WDR74: variants seen among roughly 807,000 people sequenced by gnomAD.
WDR74 encodes the protein WD repeat domain 74.
A neutral mutation model predicts 45.6 loss-of-function variants in WDR74; 31 were observed. That is an observed-to-expected ratio of 0.68 (90% CI 0.51 to 0.92). The LOEUF (loss-of-function observed/expected upper bound fraction) is 0.92, where lower values mean the gene tolerates loss of function less well. WDR74 is among the 40% of genes least tolerant of loss of function. The probability of loss-of-function intolerance (pLI) is 0.00; values close to 1 mark genes in which losing one functional copy is unlikely to be tolerated. For synonymous variants in WDR74, 191 were observed against 192.4 expected, an observed-to-expected ratio of 0.99 and a Z score of 0.06; for missense variants, 455 against 497.2, an observed-to-expected ratio of 0.92 and a Z score of 0.81.
At position 62,832,969 on chromosome 11, in the gene WDR74, C is replaced by G; in HGVS notation, c.1141G>C (p.Gly381Arg). 1.2e-6 allele frequency: 2 copies of G among 1,606,328 alleles called. No individual in the cohort carries two copies. The highest frequency in any genetic ancestry group is 1.7e-6 in the Non-Finnish European group (2 of 1,176,678). Residue 381 changes from glycine to arginine, a missense_variant, in exon 11 of 11, where the codon GGG becomes CGG. Gly to Arg is a moderately radical substitution (Grantham distance 125). Coordinates refer to ENST00000278856, the MANE Select transcript of WDR74 (RefSeq NM_001369450.1). The part of the protein sequence containing the change: ...QTRRRKKKRP[G>R]STSP ...CAGGGGCGTCAGGGGCTGGTGGACC[C>G]AGGCCGCTTCTTCTTTCTCCGTCTC...
At chr11:62,841,593 AAAC>A (rs770731567), upstream of WDR74, 1 of 151,822 alleles carries the variant, frequency 6.6e-6, no homozygotes, top group Non-Finnish European at 1.5e-5. Flanking sequence ...ATCTTCCATT[AAAC>A]AACGGTTGTT....
At chr11:62,839,662 G>C, upstream of WDR74, 4 of 1,472,102 alleles carry the variant, frequency 2.7e-6, no homozygotes, top group Non-Finnish European at 3.6e-6. Flanking sequence ...TGTAGTTGCT[G>C]GAAGTTTGAA....
rs200389987 is a variant in WDR74, at chr11:62,839,070, C to G, written c.293+44G>C. The stretch of plus-strand genomic sequence containing the variant: ...TTCCAGTATCCTCAGGGAGCATCAA[C>G]GCTCTCCCTTCGGCCCTGAGTTTAG... On this transcript the variant is annotated intron_variant, in intron 3 of 10. Transcript: ENST00000278856. The G allele has an allele frequency of 3.7e-6, 6 of 1,608,928 alleles. No homozygotes were observed. The African/African-American group carries it at 8.0e-5, about 21-fold the overall frequency.
In WDR74 at chr11:62,833,202, C is replaced by T. The variant is rs184429713; in HGVS notation, c.979-71G>A. The T allele has an allele frequency of 1.8e-4, 261 of 1,470,086 alleles. No homozygotes were observed. In the African/African-American group the frequency reaches 3.4e-3, roughly 19 times the overall value. The allele number at this position is 1,470,086 out of a possible 1,614,324, so 91.1% of individuals were successfully genotyped here. On this transcript the variant is annotated intron_variant, in intron 10 of 10. Transcript: ENST00000278856. ...GTGGCTCCCACCTGTAATCTCAGCA[C>T]TTTGGGAGACCAAGGCAGGAGGATT... is the stretch of plus-strand genomic sequence containing the variant.
intron 6 of WDR74, chr11:62,834,958 C>A: frequency 4.5e-6 from 1 of 223,716 alleles, no homozygotes; most frequent in Non-Finnish European, 8.9e-6. Flanking sequence ...GAAAATAGGA[C>A]AAATACAGTG....
intron 3 of WDR74, among the ~76,000 whole-genome samples, chr11:62,838,520 A>C (rs965540948): frequency 2.0e-4 from 30 of 151,730 alleles, no homozygotes; most frequent in Admixed American, 2.0e-3. Context: ...GCACTTTGGG[A>C]GTCCGAGGCA....
At chr11:62,841,702 T>TA (rs899227583), upstream of WDR74, 1 of 152,212 alleles carries the variant, frequency 6.6e-6, no homozygotes. Context: ...CATCTCCTAT[T>TA]TCCAAAAATC....
At chr11:62,836,889 A>G (rs1347031940) in intron 3 of WDR74, among the ~76,000 whole-genome samples, 1 of 151,698 alleles carries the variant, frequency 6.6e-6, no homozygotes, top group African/African-American at 2.4e-5. Flanking sequence ...CCTGGCCAAC[A>G]TATAGTGAAA....
rs114810174 is a variant in WDR74, at chr11:62,839,550, G to A, written c.21C>T (p.Arg7=). 5.3e-5 allele frequency: 86 copies of A among 1,611,986 alleles called. No homozygotes were observed. In the Middle Eastern group the frequency reaches 1.2e-3, roughly 22 times the overall value. The change falls in exon 1 of 11, where the codon CGC becomes CGT. Residue 7 remains arginine, a synonymous_variant. Coordinates refer to ENST00000278856, the MANE Select transcript of WDR74 (RefSeq NM_001369450.1). The part of the protein sequence containing the change: MAAAAA[R]WNHVWVGTET... ...CGGTGCCGACCCACACATGGTTCCAGCGTGCAGCAGCAGCCGCCATGACAA... is the reference window on the plus strand; with the variant it reads ...CGGTGCCGACCCACACATGGTTCCAACGTGCAGCAGCAGCCGCCATGACAA...
rs771449434 is a variant in WDR74 at position 62,835,442 on chromosome 11, C to T, written c.607G>A (p.Gly203Arg). 2 of 1,613,830 alleles carry T rather than the reference C, an allele frequency of 1.2e-6. No homozygotes were observed. Among genetic ancestry groups the T allele is most frequent in the Admixed American group, 3.3e-5 (2 of 59,992 alleles). Residue 203 changes from glycine (G) to arginine (R), a missense_variant, in exon 6 of 11, where the codon GGG becomes AGG. Transcript: ENST00000278856. ...PGSQKLVTCTGYHQVRVYDPA... is the reference protein window; with the variant it reads ...PGSQKLVTCTRYHQVRVYDPA... ...AGGTGACACCTTACCTGGTGGTACC[C>T]TGTGCAGGTGACAAGCTTCTGTGAT...
intron 6 of WDR74, chr11:62,834,934 T>C (rs1021284911): frequency 4.4e-6 from 1 of 228,152 alleles, no homozygotes; most frequent in Non-Finnish European, 8.7e-6. Context: ...CAGACTTCAA[T>C]GTGCAGAAGC....
At position 62,839,589 on chromosome 11, in the gene WDR74, A is replaced by C; in HGVS notation, c.-19T>G. On this transcript the variant is annotated 5_prime_UTR_variant, in exon 1 of 11. Transcript: ENST00000278856. ...CCGCCATGACAAAGCCTGGAGGCAG[A>C]CAGTTCACACTTCCGGCGCAGCGTG... 6.3e-7 allele frequency: 1 copy of C among 1,596,830 alleles called. No homozygotes were observed. The highest frequency in any genetic ancestry group is 8.5e-7 in the Non-Finnish European group (1 of 1,169,972).
At chr11:62,839,087 T>A in intron 3 of WDR74, 27 bp downstream of exon 3, 1 of 1,611,982 alleles carries the variant, frequency 6.2e-7, no homozygotes, top group South Asian at 1.1e-5. Flanking sequence ...CCTTCGGCCC[T>A]GAGTTTAGCG....
upstream of WDR74, chr11:62,841,590 A>T (rs148603956): frequency 1.9e-4 from 29 of 152,228 alleles, no homozygotes; most frequent in African/African-American, 6.3e-4. Context: ...GAAATCTTCC[A>T]TTAAACAACG....
At position 62,835,861 on chromosome 11, in the gene WDR74, A is replaced by AG; in HGVS notation, c.370-21dup. 1 of 1,603,532 alleles carries AG rather than the reference A, an allele frequency of 6.2e-7. No individual in the cohort carries two copies. The highest frequency in any genetic ancestry group is 8.5e-7 in the Non-Finnish European group (1 of 1,174,858). ...CAGGAGCTGTAAAGAATAGGAGATA[A>AG]GAGTCCGTTCCAGAGTCCTTAATCC... On this transcript the variant is annotated intron_variant, in intron 4 of 10. Coordinates refer to ENST00000278856, the MANE Select transcript of WDR74 (RefSeq NM_001369450.1).
chr11:62,833,593 C>T (rs1252615496), intron 10 of WDR74, 25 bp downstream of exon 10: 2 of 1,551,534 alleles, frequency 1.3e-6, no homozygotes, highest in African/African-American at 1.4e-5. Context: ...CCTTGGCTCC[C>T]ACATTCCCGG....
rs1455722863 is a variant in WDR74 at position 62,833,134 on chromosome 11, G to C, written c.979-3C>G. On this transcript the variant is annotated splice_polypyrimidine_tract_variant and splice_region_variant and intron_variant, in intron 10 of 10. Coordinates refer to ENST00000278856, the MANE Select transcript of WDR74 (RefSeq NM_001369450.1). Reference sequence around the variant, plus strand: ...TCTTGAGGCTCTTGGGGCTCATCCTGGTGAGTGGGAAGAAAGCTTAGGAGT... The same window carrying C: ...TCTTGAGGCTCTTGGGGCTCATCCTCGTGAGTGGGAAGAAAGCTTAGGAGT... The C allele has an allele frequency of 2.5e-6, 4 of 1,612,080 alleles. No homozygotes were observed. The highest frequency in any genetic ancestry group is 3.4e-6 in the Non-Finnish European group (4 of 1,179,386).
chr11:62,841,478 C>T (rs891354561), upstream of WDR74: 3 of 152,210 alleles, frequency 2.0e-5, no homozygotes, highest in South Asian at 2.1e-4. Context: ...CTTCTCTCAA[C>T]AAGACACTCA....
In WDR74 at chr11:62,835,423, C is replaced by T. The variant is rs770432755; in HGVS notation, c.618+8G>A. ...CCAGGAGAAGGCAGGTGTGAGGTGA[C>T]ACCTTACCTGGTGGTACCCTGTGCA... On this transcript the variant is annotated splice_region_variant and intron_variant, in intron 6 of 10. Transcript: ENST00000278856. 3 of 1,613,584 alleles carry T rather than the reference C, an allele frequency of 1.9e-6. No homozygotes were observed. In the South Asian group the frequency reaches 3.3e-5, roughly 18 times the overall value.
Sources: allele counts gnomAD v4.1 joint callset (sites outside exome capture counted in the v4.1 genomes callset), GRCh38; gene constraint gnomAD v4.1.1; transcripts MANE v1.5; gene names NCBI Gene and HGNC (gene_info 2026-07-23, HGNC 2026-07-21).